The following STK32B variants were observed in gnomAD, a reference collection of about 807,000 sequenced individuals.
STK32B encodes the protein serine/threonine kinase 32B.
Under a neutral mutation model 52.6 loss-of-function variants are expected in STK32B, and 43 were observed. The ratio of observed to expected loss-of-function variants is 0.82; its 90% CI spans 0.64 to 1.05. The LOEUF is 1.05. Ranked by LOEUF, STK32B falls within the 50% of genes least tolerant of loss-of-function variation. The probability of loss-of-function intolerance (pLI) is 0.00; values close to 1 mark genes in which losing one functional copy is unlikely to be tolerated. For synonymous variants in STK32B, 238 were observed against 204.3 expected, an observed-to-expected ratio of 1.17 and a Z score of -1.41; for missense variants, 621 against 534.6, an observed-to-expected ratio of 1.16 and a Z score of -1.59.
At position 5,058,839 on chromosome 4, in the gene STK32B, C is replaced by T. The variant is rs1404920773; in HGVS notation, c.52+6924C>T. 6.6e-6 allele frequency among the ~76,000 whole-genome samples: 1 copy of T among 152,290 alleles called. No homozygotes were observed. On this transcript the variant is annotated intron_variant, in intron 1 of 11. Coordinates refer to ENST00000282908, the MANE Select transcript of STK32B (RefSeq NM_018401.3). The surrounding 1 kb of genome is among the most constrained non-coding windows in gnomAD (Gnocchi z 4.8). The stretch of plus-strand genomic sequence containing the variant: ...GGTATCAGCTCACTGCAACCTCTGC[C>T]TCCCAGGTTCAAGCGATTCTCATGC...
At chr4:5,447,592 C>T (rs1319769022) in intron 7 of STK32B, among the ~76,000 whole-genome samples, 1 of 152,170 alleles carries the variant, frequency 6.6e-6, no homozygotes, top group East Asian at 1.9e-4. Context: ...GCCATGATGG[C>T]ACCACTGCAC....
intron 4 of STK32B, among the ~76,000 whole-genome samples, chr4:5,379,011 G>C (rs1735758334): frequency 6.6e-6 from 1 of 152,164 alleles, no homozygotes; most frequent in African/African-American, 2.4e-5. Flanking sequence ...AGCTCTGAAA[G>C]AGATTCCAGG....
intron 1 of STK32B, among the ~76,000 whole-genome samples, chr4:5,107,671 G>T (rs544718738): frequency 2.0e-5 from 3 of 152,124 alleles, no homozygotes; most frequent in Admixed American, 2.0e-4. Flanking sequence ...CTACCTCATC[G>T]TCTGCTATTT....
intron 6 of STK32B, among the ~76,000 whole-genome samples, chr4:5,419,774 A>G (rs1273392277): frequency 1.3e-5 from 2 of 152,108 alleles, no homozygotes; most frequent in African/African-American, 2.4e-5. Context: ...TTAGTGATCT[A>G]TTTGCTCTGT....
At chr4:5,356,158 A>G (rs751723444) in intron 4 of STK32B, among the ~76,000 whole-genome samples, 1 of 152,138 alleles carries the variant, frequency 6.6e-6, no homozygotes, top group Non-Finnish European at 1.5e-5. Context: ...CATGGAAGGG[A>G]GAGACAGATG....
intron 3 of STK32B, among the ~76,000 whole-genome samples, chr4:5,278,945 C>A (rs1291232775): frequency 6.6e-6 from 1 of 152,098 alleles, no homozygotes; most frequent in African/African-American, 2.4e-5. Flanking sequence ...AGGAAATCTG[C>A]CCCCATGATC....
At chr4:5,404,404 A>C (rs1737515635) in intron 5 of STK32B, among the ~76,000 whole-genome samples, 2 of 152,112 alleles carry the variant, frequency 1.3e-5, no homozygotes, top group Non-Finnish European at 2.9e-5. Flanking sequence ...ATCATACTGA[A>C]TTTGGGGCCC....
intron 3 of STK32B, among the ~76,000 whole-genome samples, chr4:5,293,248 A>T (rs1048151798): frequency 6.6e-5 from 10 of 152,110 alleles, no homozygotes; most frequent in African/African-American, 2.4e-4. Context: ...GCTGCAAAAA[A>T]CATGTGTGCA....
chr4:5,443,994 C>G (rs1030637521), intron 6 of STK32B, among the ~76,000 whole-genome samples: 3 of 152,182 alleles, frequency 2.0e-5, no homozygotes, highest in African/African-American at 7.2e-5. Flanking sequence ...AGAACCACTG[C>G]TCTCTTCAAA....
At chr4:5,484,060 T>C (rs185084176) in intron 11 of STK32B, among the ~76,000 whole-genome samples, 80 of 152,344 alleles carry the variant, frequency 5.3e-4, no homozygotes, top group African/African-American at 1.8e-3. Context: ...AGAATGTATA[T>C]TCTGTTGATT....
chr4:5,085,471 T>C (rs1358540509), intron 1 of STK32B, among the ~76,000 whole-genome samples: 2 of 152,196 alleles, frequency 1.3e-5, no homozygotes, highest in Non-Finnish European at 2.9e-5. Context: ...GCTGTAATGG[T>C]TACTTCCCCC....
chr4:5,348,265 G>A (rs1459153130), intron 4 of STK32B, among the ~76,000 whole-genome samples: 1 of 152,180 alleles, frequency 6.6e-6, no homozygotes, highest in Admixed American at 6.5e-5. Context: ...GGAACTGCAT[G>A]GAGACTGTGG....
At chr4:5,037,757 C>T in the STK32B span, among the ~76,000 whole-genome samples, 1 of 152,182 alleles carries the variant, frequency 6.6e-6, no homozygotes, top group Non-Finnish European at 1.5e-5. Context: ...AAAATGTCAC[C>T]ATGTTTCAGC....
chr4:5,272,011 A>C (rs367626857), intron 3 of STK32B, among the ~76,000 whole-genome samples: 3 of 148,628 alleles, frequency 2.0e-5, no homozygotes, highest in East Asian at 4.0e-4. Context: ...TCTCCTGCCT[A>C]ATTGCCCTGG....
chr4:5,421,532 A>T (rs1194520471), intron 6 of STK32B, among the ~76,000 whole-genome samples: 1 of 152,212 alleles, frequency 6.6e-6, no homozygotes, highest in Non-Finnish European at 1.5e-5. Flanking sequence ...GCCAAGTTCA[A>T]GGCAGTTTTC....
At chr4:5,276,414 T>C (rs1382317542) in intron 3 of STK32B, among the ~76,000 whole-genome samples, 1 of 152,220 alleles carries the variant, frequency 6.6e-6, no homozygotes, top group Non-Finnish European at 1.5e-5. Flanking sequence ...TCTCCTAATA[T>C]ACTGCCCTTG....
At chr4:5,168,252 C>T (rs1158727871) in intron 2 of STK32B, 47 bp from the exon 3 acceptor site, 2 of 1,578,534 alleles carry the variant, frequency 1.3e-6, no homozygotes, top group Non-Finnish European at 1.7e-6. Context: ...CTTTGTCTCC[C>T]TTTTCGATTG....
intron 3 of STK32B, among the ~76,000 whole-genome samples, chr4:5,317,202 T>G (rs1366908481): frequency 2.2e-5 from 1 of 45,186 alleles, no homozygotes; most frequent in Non-Finnish European, 3.2e-5. Context: ...CATATATATA[T>G]TATATATATA....
chr4:5,291,519 T>G (rs1389905813), intron 3 of STK32B, among the ~76,000 whole-genome samples: 3 of 152,160 alleles, frequency 2.0e-5, no homozygotes, highest in African/African-American at 4.8e-5. Context: ...TGCTGCAGCC[T>G]TACTAAATTC....
Sources: allele counts gnomAD v4.1 joint callset (sites outside exome capture counted in the v4.1 genomes callset), GRCh38; gene constraint gnomAD v4.1.1; non-coding constraint Gnocchi (gnomAD v3.1); transcripts MANE v1.5; gene names NCBI Gene and HGNC (gene_info 2026-07-23, HGNC 2026-07-21).